PARD3B: variants seen among roughly 807,000 people sequenced by gnomAD.
The protein encoded by PARD3B is partitioning defective 3 homolog B.
A neutral mutation model predicts 130.2 loss-of-function variants in PARD3B; 103 were observed. The ratio of observed to expected loss-of-function variants is 0.79; its 90% CI spans 0.67 to 0.93. The LOEUF (loss-of-function observed/expected upper bound fraction) is 0.93. Ranked by LOEUF, PARD3B falls within the 40% of genes least tolerant of loss-of-function variation. The pLI is 0.00. For missense variants in PARD3B, 1,609 were observed against 1,499.2 expected (o/e 1.07, Z -1.21); for synonymous variants, 583 against 553.2 (o/e 1.05, Z -0.76).
At chr2:205,318,816 C>T (rs1024185658) in intron 18 of PARD3B, among the ~76,000 whole-genome samples, 12 of 152,162 alleles carry the variant, frequency 7.9e-5, no homozygotes, top group Non-Finnish European at 1.5e-4. Context: ...CTCCACCTCA[C>T]CCAGCATCTT....
intron 4 of PARD3B, among the ~76,000 whole-genome samples, chr2:205,089,304 G>T (rs1269344831): frequency 6.6e-6 from 1 of 151,908 alleles, no homozygotes; most frequent in Non-Finnish European, 1.5e-5. Flanking sequence ...CTGAGTAGCT[G>T]GGATTACAGG....
At chr2:204,604,680 G>A (rs1187015371) in intron 1 of PARD3B, among the ~76,000 whole-genome samples, 1 of 152,172 alleles carries the variant, frequency 6.6e-6, no homozygotes, top group Non-Finnish European at 1.5e-5. Context: ...CAGGGTGAGT[G>A]GAGGGGCTGA....
intron 2 of PARD3B, among the ~76,000 whole-genome samples, chr2:204,931,598 G>GC (rs1275114312): frequency 1.4e-4 from 20 of 145,706 alleles, no homozygotes; most frequent in African/African-American, 4.3e-4. Context: ...ATTAACAATT[G>GC]TTTTTTTTTT....
chr2:205,193,425 G>A (rs2036502156), intron 15 of PARD3B, 105 bp downstream of exon 15: 1 of 832,794 alleles, frequency 1.2e-6, no homozygotes, highest in Non-Finnish European at 2.0e-6. Context: ...CAGGGAACAA[G>A]GTCTGCAGAA....
In PARD3B at chr2:205,489,462, TAA is replaced by T. The variant is rs143412069; in HGVS notation, c.3045-10433_3045-10432del. On this transcript the variant is annotated intron_variant, in intron 20 of 22. Transcript: ENST00000406610. ...ATGTACTCCAGCCTGGGCAACAGTA[TAA>T]GACTCTGCCTCTAAATATACATATA... Among the ~76,000 whole-genome samples, 622 of 148,170 alleles carry T rather than the reference TAA, an allele frequency of 4.2e-3. 4 individuals carry two copies. The highest frequency in any genetic ancestry group is 0.015 in the African/African-American group (595 of 40,022).
chr2:205,209,065 G>A (rs201703603), intron 15 of PARD3B, among the ~76,000 whole-genome samples: 7,189 of 125,384 alleles, frequency 0.057, 298 homozygotes, highest in East Asian at 0.18. Flanking sequence ...AAATAACGCC[G>A]CATATCTACA....
chr2:205,262,153 G>C (rs1352426056), intron 16 of PARD3B, among the ~76,000 whole-genome samples: 1 of 152,098 alleles, frequency 6.6e-6, no homozygotes, highest in Non-Finnish European at 1.5e-5. Context: ...TAAGTGGTGA[G>C]TTTGGCAAAG....
In PARD3B at chr2:205,300,518, T is replaced by C; in HGVS notation, c.2186-12T>C. On this transcript the variant is annotated splice_polypyrimidine_tract_variant and intron_variant, in intron 16 of 22. Coordinates refer to ENST00000406610, the MANE Select transcript of PARD3B (RefSeq NM_001302769.2). This position sits in a 1 kb window ranked among gnomAD's most constrained non-coding sequence, Gnocchi z 4.1. ...TTAGAAGAGGGGTGACCTTTTGCCC[T>C]TTCTTTTCCAGAATCTCCAAGCAAA... 1 of 1,609,326 alleles carries C rather than the reference T, an allele frequency of 6.2e-7. No individual in the cohort carries two copies. Among genetic ancestry groups the C allele is most frequent in the Non-Finnish European group, 8.5e-7 (1 of 1,176,548 alleles).
chr2:205,008,568 T>C lies in PARD3B; in HGVS notation c.395-39013T>C, dbSNP rs541789039. 4.7e-4 allele frequency among the ~76,000 whole-genome samples: 71 copies of C among 152,306 alleles called. No homozygotes were observed. In the South Asian group the frequency reaches 0.013, roughly 29 times the overall value. ...GCCTTCCACTTGATTGCTCTACTATTAGATTTATAATGCTGAACAATAAAT... is the reference window on the plus strand; with the variant it reads ...GCCTTCCACTTGATTGCTCTACTATCAGATTTATAATGCTGAACAATAAAT... On this transcript the variant is annotated intron_variant, in intron 3 of 22. Transcript: ENST00000406610.
At chr2:204,776,977 G>C (rs1241068567) in intron 2 of PARD3B, among the ~76,000 whole-genome samples, 1 of 152,096 alleles carries the variant, frequency 6.6e-6, no homozygotes, top group African/African-American at 2.4e-5. Flanking sequence ...GTGAGAACAA[G>C]AAGGAAGCCA....
intron 20 of PARD3B, among the ~76,000 whole-genome samples, chr2:205,452,690 T>C (rs1000560896): frequency 6.6e-6 from 1 of 152,192 alleles, no homozygotes; most frequent in African/African-American, 2.4e-5. Flanking sequence ...TTCTCATTAA[T>C]TTTTTTCCCG....
At chr2:205,509,204 G>A (rs1406756037) in intron 21 of PARD3B, among the ~76,000 whole-genome samples, 1 of 151,942 alleles carries the variant, frequency 6.6e-6, no homozygotes, top group Non-Finnish European at 1.5e-5. Flanking sequence ...TTTAGAACTA[G>A]GAATTGATTT....
intron 5 of PARD3B, among the ~76,000 whole-genome samples, chr2:205,108,029 C>T (rs1452243395): frequency 6.6e-6 from 1 of 152,114 alleles, no homozygotes; most frequent in African/African-American, 2.4e-5. Context: ...CTTAAAACGC[C>T]AGCGCATTTT....
intron 21 of PARD3B, among the ~76,000 whole-genome samples, chr2:205,552,878 G>GATTA (rs2052712683): frequency 6.6e-6 from 1 of 152,128 alleles, no homozygotes; most frequent in Non-Finnish European, 1.5e-5. Context: ...TATCAATATG[G>GATTA]ATTAATTGTA....
At chr2:204,998,901 A>T (rs1483818410) in intron 3 of PARD3B, among the ~76,000 whole-genome samples, 2 of 152,054 alleles carry the variant, frequency 1.3e-5, no homozygotes, top group Admixed American at 6.6e-5. Flanking sequence ...TTCAGTAGAG[A>T]CAAGGTTTCA....
chr2:205,525,878 GGTGCAAGAAAA>G lies in PARD3B; in HGVS notation c.3180+25848_3180+25858del, dbSNP rs2051315064. Among the ~76,000 whole-genome samples the G allele has an allele frequency of 6.6e-6, 1 of 152,162 alleles. No individual in the cohort carries two copies. Among genetic ancestry groups the G allele is most frequent in the African/African-American group, 2.4e-5 (1 of 41,440 alleles). On this transcript the variant is annotated intron_variant, in intron 21 of 22. Transcript: ENST00000406610. The surrounding 1 kb of genome is among the most constrained non-coding windows in gnomAD (Gnocchi z 4.2). ...CACGTTGTGTACCCAGTCCCGGGAA[GGTGCAAGAAAA>G]TCTGATCCTTTTTCAAAAATCATCT...
At chr2:205,567,834 G>A (rs2053413555) in intron 22 of PARD3B, among the ~76,000 whole-genome samples, 2 of 151,808 alleles carry the variant, frequency 1.3e-5, no homozygotes, top group African/African-American at 4.8e-5. Context: ...GCGGAGTGAG[G>A]AAGGAAAAGG....
intron 16 of PARD3B, among the ~76,000 whole-genome samples, chr2:205,249,533 A>C (rs1015624958): frequency 7.2e-5 from 11 of 152,146 alleles, no homozygotes; most frequent in African/African-American, 2.7e-4. Context: ...GCTCAGATCC[A>C]ATCAAAGGCC....
chr2:205,594,487 T>C (rs1351613405), intron 22 of PARD3B, among the ~76,000 whole-genome samples: 2 of 151,786 alleles, frequency 1.3e-5, no homozygotes, highest in Non-Finnish European at 2.9e-5. Flanking sequence ...TTCACATGGG[T>C]CAGGGACCAT....
Sources: allele counts gnomAD v4.1 joint callset (sites outside exome capture counted in the v4.1 genomes callset), GRCh38; gene constraint gnomAD v4.1.1; non-coding constraint Gnocchi (gnomAD v3.1); transcripts MANE v1.5; gene names NCBI Gene and HGNC (gene_info 2026-07-23, HGNC 2026-07-21).